DGKA: variants seen among roughly 807,000 people sequenced by gnomAD.
DGKA encodes the protein 80 kDa diacylglycerol kinase.
Under a neutral mutation model 105.0 loss-of-function variants are expected in DGKA, and 35 were observed. The ratio of observed to expected loss-of-function variants is 0.33; its 90% CI spans 0.25 to 0.44. DGKA has a LOEUF of 0.44. DGKA is among the 20% of genes least tolerant of loss of function. The probability of loss-of-function intolerance (pLI) is 1.00; values close to 1 mark genes in which losing one functional copy is unlikely to be tolerated. For synonymous variants in DGKA, 296 were observed against 332.0 expected (o/e 0.89, Z 1.18); for missense variants, 665 against 915.0 (o/e 0.73, Z 3.53).
intron 13 of DGKA, 99 bp from the exon 14 acceptor site, chr12:55,941,153 T>C (rs1885892227): frequency 7.1e-7 from 1 of 1,401,732 alleles, no homozygotes; most frequent in Non-Finnish European, 9.8e-7. Flanking sequence ...GGGGGAAATA[T>C]CTTGGTGGAA....
At position 55,940,087 on chromosome 12, in the gene DGKA, A is replaced by G. The variant is rs1592693646; in HGVS notation, c.715A>G (p.Lys239Glu). ...GKQGLSCNLCKYTVHDQCAMK... is the reference protein window; with the variant it reads ...GKQGLSCNLCEYTVHDQCAMK... ...ACTTCTTCCTTCTCCCTCAGTCTGTAAGTACACTGTTCACGACCAGTGTGC... is the reference window on the plus strand; with the variant it reads ...ACTTCTTCCTTCTCCCTCAGTCTGTGAGTACACTGTTCACGACCAGTGTGC... Residue 239 changes from lysine (K) to glutamate (E), a missense_variant, in exon 10 of 24, where the codon AAG becomes GAG. Lys to Glu is a moderately conservative substitution (Grantham distance 56). Transcript: ENST00000331886. This position sits in a 1 kb window ranked among gnomAD's most constrained non-coding sequence, Gnocchi z 4.3. 1 of 1,614,122 alleles carries G rather than the reference A, an allele frequency of 6.2e-7. No individual in the cohort carries two copies. Among genetic ancestry groups the G allele is most frequent in the Non-Finnish European group, 8.5e-7 (1 of 1,179,960 alleles).
chr12:55,928,077 C>T (rs1401466188), upstream of DGKA, among the ~76,000 whole-genome samples: 1 of 152,170 alleles, frequency 6.6e-6, no homozygotes, highest in Admixed American at 6.5e-5. Context: ...CCCTATTCTG[C>T]AGACGAACCC....
At chr12:55,933,809 G>A (rs1884120024) in intron 1 of DGKA, among the ~76,000 whole-genome samples, 1 of 152,126 alleles carries the variant, frequency 6.6e-6, no homozygotes, top group African/African-American at 2.4e-5. Context: ...TGCCTTCCTG[G>A]TTCAAAGACA....
intron 17 of DGKA, 130 bp downstream of exon 17, chr12:55,942,393 A>G: frequency 1.2e-6 from 1 of 827,294 alleles, no homozygotes; most frequent in Non-Finnish European, 2.0e-6. Context: ...ACAGGTGGAT[A>G]CAAAAGTGGA....
At chr12:55,939,954 C>A (rs1178187220) in intron 9 of DGKA, 128 bp from the exon 10 acceptor site, 1 of 838,158 alleles carries the variant, frequency 1.2e-6, no homozygotes, top group South Asian at 1.5e-5. Context: ...GGGCACTTCA[C>A]CCCGAACTTT....
In DGKA at chr12:55,952,302, T is replaced by A. The variant is rs1287305944; in HGVS notation, c.1653-39T>A. 1 of 1,601,420 alleles carries A rather than the reference T, an allele frequency of 6.2e-7. No individual in the cohort carries two copies. The highest frequency in any genetic ancestry group is 1.3e-5 in the African/African-American group (1 of 74,648). ...CCACCCCTGCCAGCACTGTGTAACC[T>A]GTCCCTCCCTACTGGGCCTTGTGTT... is the stretch of plus-strand genomic sequence containing the variant. On this transcript the variant is annotated intron_variant, in intron 19 of 23. Transcript: ENST00000331886. This position sits in a 1 kb window ranked among gnomAD's most constrained non-coding sequence, Gnocchi z 5.1.
chr12:55,944,719 A>C lies in DGKA; in HGVS notation c.1426+2456A>C, dbSNP rs111842547. ...TAGGTTGTGGAGAAGGAGGTAGAGA[A>C]AAGTCTAGGACATTTCCTAGGTTTG... On this transcript the variant is annotated intron_variant, in intron 17 of 23. Coordinates refer to ENST00000331886, the MANE Select transcript of DGKA (RefSeq NM_001345.5). 9.2e-3 allele frequency among the ~76,000 whole-genome samples: 1,401 copies of C among 152,296 alleles called. 25 individuals carry two copies. Among genetic ancestry groups the C allele is most frequent in the African/African-American group, 0.033 (1,351 of 41,554 alleles).
rs1473292999 is a variant in DGKA, at chr12:55,952,534, GCTT to G, written c.1743+107_1743+109del. 4.5e-6 allele frequency: 6 copies of G among 1,320,148 alleles called. No individual in the cohort carries two copies. Among genetic ancestry groups the G allele is most frequent in the Non-Finnish European group, 6.5e-6 (6 of 921,164 alleles). 81.8% of individuals were successfully genotyped at this position (1,320,148 alleles called of 1,614,324 possible). ...GAACTTCCCATATTCTTGAACCTAT[GCTT>G]CTTTAACCTCCCAGCTCTCCTACCC... On this transcript the variant is annotated intron_variant, in intron 20 of 23. Coordinates refer to ENST00000331886, the MANE Select transcript of DGKA (RefSeq NM_001345.5). This position sits in a 1 kb window ranked among gnomAD's most constrained non-coding sequence, Gnocchi z 5.1.
chr12:55,935,949 C>T (rs1884571065), intron 1 of DGKA: 1 of 986,874 alleles, frequency 1.0e-6, no homozygotes, highest in Non-Finnish European at 1.2e-6. Flanking sequence ...CAGGAAGACG[C>T]GCTAACGCAG....
At chr12:55,927,513 C>A, upstream of DGKA, 1 of 692,322 alleles carries the variant, frequency 1.4e-6, no homozygotes, top group Admixed American at 2.5e-5. Flanking sequence ...GGCCTGCACC[C>A]AGATCTCAGA....
rs757461125 is a variant in DGKA, at chr12:55,937,511, G to A, written c.242G>A (p.Gly81Asp). 225 of 1,614,138 alleles carry A rather than the reference G, an allele frequency of 1.4e-4. No individual in the cohort carries two copies. The highest frequency in any genetic ancestry group is 2.3e-4 in the South Asian group (21 of 91,084). Residue 81 changes from glycine to aspartate, a missense_variant, in exon 4 of 24, where the codon GGT becomes GAT. Gly to Asp is a moderately conservative substitution (Grantham distance 94). Coordinates refer to ENST00000331886, the MANE Select transcript of DGKA (RefSeq NM_001345.5). ...SLALFQSFET[G>D]HCLNETNVTK... ...GCACTGTTTCAATCCTTTGAGACTG[G>A]TCACTGCTTAAATGAGACAAATGTG...
In DGKA at chr12:55,953,430, G is replaced by A; in HGVS notation, c.2124+20G>A. ...TGTACAGTGAGTATTGACGATCCCA[G>A]CCAAAAATTAAACCCTTGGGCTCCA... On this transcript the variant is annotated intron_variant, in intron 23 of 23. Transcript: ENST00000331886. 6.2e-7 allele frequency: 1 copy of A among 1,613,270 alleles called. No individual in the cohort carries two copies. The highest frequency in any genetic ancestry group is 2.2e-5 in the East Asian group (1 of 44,884).
Position 55,932,170 on chromosome 12 carries a change from A to G in DGKA, c.-82+826A>G. On this transcript the variant is annotated intron_variant, in intron 1 of 23. Coordinates refer to ENST00000331886, the MANE Select transcript of DGKA (RefSeq NM_001345.5). This position sits in a 1 kb window ranked among gnomAD's most constrained non-coding sequence, Gnocchi z 4.3. ...CAGCGCCCCACCCTCCCCCATCGGA[A>G]AAGGACAGGGGTAGGGAAGCCGAGG... The G allele has an allele frequency of 4.5e-6, 1 of 224,422 alleles. No individual in the cohort carries two copies. The highest frequency in any genetic ancestry group is 6.0e-5 in the South Asian group (1 of 16,546). 13.9% of individuals were successfully genotyped at this position (224,422 alleles called of 1,614,324 possible). A position where few individuals can be genotyped will look rare whatever the true frequency, so the allele number is the denominator to read the frequency against.
chr12:55,948,424 C>G (rs1038709196), intron 17 of DGKA, among the ~76,000 whole-genome samples: 1 of 148,262 alleles, frequency 6.7e-6, no homozygotes, highest in Non-Finnish European at 1.5e-5. Context: ...AAGGTATTTT[C>G]TTTTTAAAAA....
chr12:55,934,873 G>A (rs1368570300), intron 1 of DGKA, among the ~76,000 whole-genome samples: 7 of 152,154 alleles, frequency 4.6e-5, no homozygotes, highest in Non-Finnish European at 1.0e-4. Flanking sequence ...CTACATACTG[G>A]GAAGGGTATC....
At chr12:55,938,153 C>A in intron 5 of DGKA, 101 bp downstream of exon 5, 1 of 1,081,700 alleles carries the variant, frequency 9.2e-7, no homozygotes. Context: ...TAAAGGCTGA[C>A]AGGTCTAGAC....
chr12:55,946,438 C>T (rs1887023866), intron 17 of DGKA, among the ~76,000 whole-genome samples: 1 of 152,152 alleles, frequency 6.6e-6, no homozygotes, highest in Admixed American at 6.5e-5. Context: ...CTCACTGCAA[C>T]CTCTGCCTCC....
In DGKA at chr12:55,939,249, T is replaced by C. The variant is rs1444617762; in HGVS notation, c.538T>C (p.Trp180Arg). 6.2e-7 allele frequency: 1 copy of C among 1,614,106 alleles called. No individual in the cohort carries two copies. The highest frequency in any genetic ancestry group is 1.7e-5 in the Admixed American group (1 of 60,018). ...CAGTGGCTCTGTCTCTCAAGCTGAGTGGGTCCGGGCTGGGGCCACCACCGT... is the reference window on the plus strand; with the variant it reads ...CAGTGGCTCTGTCTCTCAAGCTGAGCGGGTCCGGGCTGGGGCCACCACCGT... ...DGSGSVSQAE[W>R]VRAGATTVPL... Residue 180 changes from tryptophan to arginine, a missense_variant, in exon 8 of 24, where the codon TGG (tryptophan) becomes CGG (arginine). Trp to Arg is a moderately radical substitution (Grantham distance 101, BLOSUM62 -3). Around this residue, in one of 3 missense-constraint regions of DGKA, gnomAD observed 504 missense variants for 681.2 expected, o/e 0.74. Coordinates refer to ENST00000331886, the MANE Select transcript of DGKA (RefSeq NM_001345.5).
intron 17 of DGKA, among the ~76,000 whole-genome samples, chr12:55,949,942 CCTGGA>C (rs1330037180): frequency 9.2e-5 from 14 of 152,092 alleles, no homozygotes; most frequent in Admixed American, 8.5e-4. Context: ...CTCAGGGTAG[CCTGGA>C]CTACAGTCAC....
Sources: allele counts gnomAD v4.1 joint callset (sites outside exome capture counted in the v4.1 genomes callset), GRCh38; gene constraint gnomAD v4.1.1; regional missense constraint gnomAD v4.1.1; non-coding constraint Gnocchi (gnomAD v3.1); transcripts MANE v1.5; gene names NCBI Gene and HGNC (gene_info 2026-07-23, HGNC 2026-07-21).